Variants in MARVELD3 observed in about 807,000 individuals in gnomAD.
MARVELD3 encodes MARVEL domain-containing protein 3.
In MARVELD3, 28 loss-of-function variants were observed where a neutral mutation model predicts 33.5. That is an observed-to-expected ratio of 0.84 (90% CI 0.62 to 1.15). The LOEUF is 1.15. Ranked by LOEUF, MARVELD3 falls within the 50% of genes most tolerant of loss-of-function variation. The pLI, the probability that MARVELD3 is intolerant of heterozygous loss-of-function variation, is 0.00. For missense variants in MARVELD3, 582 were observed against 547.6 expected (o/e 1.06, Z -0.63); for synonymous variants, 241 against 230.4 (o/e 1.05, Z -0.42).
At chr16:71,628,015 G>C (rs1000878825) in intron 1 of MARVELD3, among the ~76,000 whole-genome samples, 1 of 152,224 alleles carries the variant, frequency 6.6e-6, no homozygotes, top group African/African-American at 2.4e-5. Flanking sequence ...CAGGGACTTG[G>C]AGGCTGAGTC....
chr16:71,640,865 C>G (rs766637805), downstream of MARVELD3: 2 of 1,614,020 alleles, frequency 1.2e-6, no homozygotes, highest in African/African-American at 1.3e-5. Flanking sequence ...CAGGCACCGA[C>G]GGAGCAGCAG....
At chr16:71,627,342 A>C (rs2044484241) in intron 1 of MARVELD3, among the ~76,000 whole-genome samples, 1 of 152,142 alleles carries the variant, frequency 6.6e-6, no homozygotes, top group Non-Finnish European at 1.5e-5. Flanking sequence ...GTCTTTACTA[A>C]AAATACAAAA....
downstream of MARVELD3, chr16:71,641,081 C>A: frequency 6.5e-7 from 1 of 1,545,466 alleles, no homozygotes; most frequent in Middle Eastern, 1.7e-4. Context: ...AAAGACAGGT[C>A]TTTTAAAACT....
rs138125861 is a variant in MARVELD3 at position 71,629,208 on chromosome 16, G to A, written c.468-159G>A. ...GCCAAGTATTTGGATGTCCCGTGGG[G>A]CCACTAAACCAGAGAATTCTCTGGA... On this transcript the variant is annotated intron_variant, in intron 1 of 2. Transcript: ENST00000268485. 3,268 of 768,238 alleles carry A rather than the reference G, an allele frequency of 4.3e-3. 53 individuals are homozygous for A. Among genetic ancestry groups the A allele is most frequent in the South Asian group, 0.034 (1,294 of 38,588 alleles). 47.6% of individuals were successfully genotyped at this position (768,238 alleles called of 1,614,324 possible). A position where few individuals can be genotyped will look rare whatever the true frequency, so the allele number is the denominator to read the frequency against.
chr16:71,632,599 T>A (rs546536303), intron 2 of MARVELD3, among the ~76,000 whole-genome samples: 27 of 151,756 alleles, frequency 1.8e-4, no homozygotes, highest in South Asian at 4.1e-4. Flanking sequence ...TTTTTTTTTT[T>A]ATTTTTTATT....
At chr16:71,629,263 T>G in intron 1 of MARVELD3, 104 bp from the exon 2 acceptor site, 3 of 1,263,836 alleles carry the variant, frequency 2.4e-6, no homozygotes, top group Non-Finnish European at 3.2e-6. Flanking sequence ...ATTCTATTTC[T>G]GTTCTGCTAA....
chr16:71,626,612 C>T lies in MARVELD3; in HGVS notation c.383C>T (p.Ala128Val). 6.5e-7 allele frequency: 1 copy of T among 1,540,848 alleles called. No individual in the cohort carries two copies. Among genetic ancestry groups the T allele is most frequent in the Admixed American group, 2.0e-5 (1 of 50,908 alleles). The part of the protein sequence containing the change: ...GARGLTWDAA[A>V]PPGPAPWEAP... ...CGGGGACTGACCTGGGACGCAGCCGCGCCTCCTGGGCCCGCGCCCTGGGAA... is the reference window on the plus strand; with the variant it reads ...CGGGGACTGACCTGGGACGCAGCCGTGCCTCCTGGGCCCGCGCCCTGGGAA... Residue 128 changes from alanine to valine, a missense_variant, in exon 1 of 3, where the codon GCG becomes GTG. Transcript: ENST00000268485. This position sits in a 1 kb window ranked among gnomAD's most constrained non-coding sequence, Gnocchi z 5.3.
Position 71,634,746 on chromosome 16 carries a change from G to A in MARVELD3, c.1149G>A (p.Lys383=). The change falls in exon 3 of 3, where the codon AAG becomes AAA. Residue 383 remains lysine, a synonymous_variant. Coordinates refer to ENST00000268485, the MANE Select transcript of MARVELD3 (RefSeq NM_052858.6). ...CCCTGGGGGCTGTCCTGGCCATAAA[G>A]GGCTACCGAAAAGTTAGGAAGCTAA... ...VFALGAVLAI[K]GYRKVRKLKE... 1 of 1,611,028 alleles carries A rather than the reference G, an allele frequency of 6.2e-7. No individual in the cohort carries two copies. The highest frequency in any genetic ancestry group is 8.5e-7 in the Non-Finnish European group (1 of 1,179,180).
Position 71,635,644 on chromosome 16 carries a change from C to G in MARVELD3, c.*841C>G. 1.0e-6 allele frequency: 1 copy of G among 985,178 alleles called. No homozygotes were observed. The highest frequency in any genetic ancestry group is 1.2e-6 in the Non-Finnish European group (1 of 829,948). 61.0% of individuals were successfully genotyped at this position (985,178 alleles called of 1,614,324 possible). On this transcript the variant is annotated 3_prime_UTR_variant, in exon 3 of 3. Transcript: ENST00000268485. Reference sequence around the variant, plus strand: ...AAAAAAAAAAGTTCATGGAGAGCCACATAGACATGAGACCACACTTCAGCC... The same window carrying G: ...AAAAAAAAAAGTTCATGGAGAGCCAGATAGACATGAGACCACACTTCAGCC...
Position 71,626,502 on chromosome 16 carries a change from G to A in MARVELD3, c.273G>A (p.Arg91=). The A allele has an allele frequency of 6.5e-7, 1 of 1,549,832 alleles. No homozygotes were observed. Among genetic ancestry groups the A allele is most frequent in the Non-Finnish European group, 8.7e-7 (1 of 1,146,838 alleles). The change falls in exon 1 of 3, where the codon CGG becomes CGA. Residue 91 remains arginine (R), a synonymous_variant. Transcript: ENST00000268485. The surrounding 1 kb of genome is among the most constrained non-coding windows in gnomAD (Gnocchi z 5.3). The part of the protein sequence containing the change: ...RERDPDRGPR[R]DTHRDAGPRA... ...GAGACCCGGACCGAGGCCCCCGCCG[G>A]GACACACACAGGGACGCGGGCCCTC...
At chr16:71,640,561 A>G, downstream of MARVELD3, 1 of 1,614,180 alleles carries the variant, frequency 6.2e-7, no homozygotes, top group Non-Finnish European at 8.5e-7. Context: ...CGGCAGCTGG[A>G]CCAGCAGTAC....
chr16:71,629,212 C>CT (rs1452838128), intron 1 of MARVELD3, 155 bp from the exon 2 acceptor site: 2 of 864,922 alleles, frequency 2.3e-6, no homozygotes, highest in Non-Finnish European at 3.3e-6. Flanking sequence ...CGTGGGGCCA[C>CT]TAAACCAGAG....
rs116539040 is a variant in MARVELD3, at chr16:71,629,742, C to T, written c.595+248C>T. On this transcript the variant is annotated intron_variant, in intron 2 of 2. Transcript: ENST00000268485. ...CCCTGGGTTTGCAAAGGCAAGCAGC[C>T]ATGTTTGCAGCTTTCAGACTCCAGG... The T allele has an allele frequency of 2.9e-3, 1,335 of 464,392 alleles. 18 individuals are homozygous for T. The highest frequency in any genetic ancestry group is 0.022 in the African/African-American group (1,059 of 48,992). 28.8% of individuals were successfully genotyped at this position (464,392 alleles called of 1,614,324 possible).
At chr16:71,627,034 G>A (rs375327431) in intron 1 of MARVELD3, among the ~76,000 whole-genome samples, 1 of 152,014 alleles carries the variant, frequency 6.6e-6, no homozygotes, top group South Asian at 2.1e-4. Context: ...GCTCCTCCCC[G>A]GCCCGGCCCG....
chr16:71,640,317 G>A, downstream of MARVELD3: 3 of 1,498,676 alleles, frequency 2.0e-6, no homozygotes, highest in Non-Finnish European at 2.7e-6. Context: ...AAAATCAGGT[G>A]GCCTGTGGTA....
rs769012896 is a variant in MARVELD3, at chr16:71,634,732, G to C, written c.1135G>C (p.Val379Leu). ...LGIVVFALGAVLAIKGYRKVR... is the reference protein window; with the variant it reads ...LGIVVFALGALLAIKGYRKVR... The stretch of plus-strand genomic sequence containing the variant: ...CATTGTGGTCTTTGCCCTGGGGGCT[G>C]TCCTGGCCATAAAGGGCTACCGAAA... Residue 379 changes from valine (V) to leucine (L), a missense_variant, in exon 3 of 3, where the codon GTC becomes CTC. Physicochemically the swap from Val to Leu is conservative, Grantham distance 32 (BLOSUM62 1). Coordinates refer to ENST00000268485, the MANE Select transcript of MARVELD3 (RefSeq NM_052858.6). 1.2e-6 allele frequency: 2 copies of C among 1,613,968 alleles called. No homozygotes were observed. The highest frequency in any genetic ancestry group is 3.3e-5 in the Admixed American group (2 of 59,940).
At chr16:71,629,642 T>TA (rs533759724) in intron 2 of MARVELD3, 148 bp downstream of exon 2, 84,416 of 321,336 alleles carry the variant, frequency 0.26, 7,551 homozygotes, top group Admixed American at 0.36. Flanking sequence ...CTTGTTTTCT[T>TA]AAAAAAAAAA....
chr16:71,635,525 T>G lies in MARVELD3; in HGVS notation c.*722T>G. 1.0e-6 allele frequency: 1 copy of G among 984,396 alleles called. No individual in the cohort carries two copies. Among genetic ancestry groups the G allele is most frequent in the Non-Finnish European group, 1.2e-6 (1 of 829,282 alleles). The allele number at this position is 984,396 out of a possible 1,614,324, so 61.0% of individuals were successfully genotyped here. A position where few individuals can be genotyped will look rare whatever the true frequency, so the allele number is the denominator to read the frequency against. On this transcript the variant is annotated 3_prime_UTR_variant, in exon 3 of 3. Coordinates refer to ENST00000268485, the MANE Select transcript of MARVELD3 (RefSeq NM_052858.6). ...GGGAGGCTGAGGTAGGAGGATTGCT[T>G]GAACCCAGGAGTTCAAGTTTGCAGT...
intron 1 of MARVELD3, among the ~76,000 whole-genome samples, chr16:71,627,946 C>A (rs562478373): frequency 1.6e-4 from 24 of 152,324 alleles, no homozygotes; most frequent in African/African-American, 5.1e-4. Flanking sequence ...GAGGTGACGA[C>A]TGCTTCTGGT....
Sources: gnomAD v4.1 joint callset for allele counts (sites outside exome capture counted in the v4.1 genomes callset) on GRCh38, gnomAD v4.1.1 for gene constraint, Gnocchi (gnomAD v3.1) non-coding constraint, MANE v1.5 for transcripts, NCBI Gene and HGNC (gene_info 2026-07-23, HGNC 2026-07-21) for gene names.